LHFPL6: variants seen among roughly 807,000 people sequenced by gnomAD.
LHFPL6 encodes LHFPL tetraspan subfamily member 6, also known as LHFPL tetraspan subfamily member 6 protein.
In LHFPL6, 9 loss-of-function variants were observed where a neutral mutation model predicts 20.6. The ratio of observed to expected loss-of-function variants is 0.44; its 90% CI spans 0.26 to 0.76. The LOEUF is 0.76. Ranked by LOEUF, LHFPL6 falls within the 30% of genes least tolerant of loss-of-function variation. The pLI is 0.20. For missense variants in LHFPL6, 218 were observed against 253.5 expected, an observed-to-expected ratio of 0.86 and a Z score of 0.95; for synonymous variants, 105 against 98.7, an observed-to-expected ratio of 1.06 and a Z score of -0.38.
In LHFPL6 at chr13:39,562,615, C is replaced by CACATACATATATACACATATAT. The variant is rs1566142244; in HGVS notation, c.385+38216_385+38217insATATATGTGTATATATGTATGT. Among the ~76,000 whole-genome samples the CACATACATATATACACATATAT allele has an allele frequency of 4.1e-3, 186 of 44,902 alleles. 3 individuals carry two copies. The highest frequency in any genetic ancestry group is 7.4e-3 in the Non-Finnish European group (132 of 17,844). 29.5% of individuals were successfully genotyped at this position (44,902 alleles called of 152,430 possible). ...ACATATATACACATATACATATATACACATATATACACACATATATATACA... is the reference window on the plus strand; with the variant it reads ...ACATATATACACATATACATATATACACATACATATATACACATATATACATATATACACACATATATATACA... On this transcript the variant is annotated intron_variant, in intron 2 of 3. Transcript: ENST00000379589.
intron 2 of LHFPL6, among the ~76,000 whole-genome samples, chr13:39,428,373 C>A (rs984709590): frequency 6.6e-6 from 1 of 152,144 alleles, no homozygotes; most frequent in Non-Finnish European, 1.5e-5. Context: ...TATTTTACTA[C>A]AAATTGATTT....
chr13:39,388,910 C>A (rs935450550), intron 2 of LHFPL6, among the ~76,000 whole-genome samples: 39 of 152,260 alleles, frequency 2.6e-4, no homozygotes, highest in African/African-American at 9.4e-4. Flanking sequence ...GCTTGTAGAG[C>A]GATTTACACT....
intron 2 of LHFPL6, among the ~76,000 whole-genome samples, chr13:39,535,299 C>A (rs1870582650): frequency 6.6e-6 from 1 of 152,296 alleles, no homozygotes; most frequent in African/African-American, 2.4e-5. Flanking sequence ...CTAACATAAC[C>A]CACATCATCA....
intron 2 of LHFPL6, among the ~76,000 whole-genome samples, chr13:39,436,790 T>C (rs1164241124): frequency 6.6e-6 from 1 of 152,242 alleles, no homozygotes; most frequent in African/African-American, 2.4e-5. Context: ...TGAGTTAGTG[T>C]GGCTTTTCAA....
At chr13:39,483,328 C>G (rs142431862) in intron 2 of LHFPL6, among the ~76,000 whole-genome samples, 47 of 152,154 alleles carry the variant, frequency 3.1e-4, no homozygotes, top group African/African-American at 1.1e-3. Context: ...GTGCTTGGAG[C>G]AAGGACTTGA....
intron 2 of LHFPL6, among the ~76,000 whole-genome samples, chr13:39,548,950 C>T (rs1871064745): frequency 6.6e-6 from 1 of 152,088 alleles, no homozygotes; most frequent in Admixed American, 6.5e-5. Context: ...CTTTGAAAGA[C>T]ACTGTTCAGA....
intron 2 of LHFPL6, among the ~76,000 whole-genome samples, chr13:39,520,385 T>G (rs1870069116): frequency 6.6e-6 from 1 of 151,654 alleles, no homozygotes; most frequent in African/African-American, 2.4e-5. Context: ...CAAACAAGAG[T>G]GTGTCCTAGG....
chr13:39,464,549 A>G (rs929317896), intron 2 of LHFPL6, among the ~76,000 whole-genome samples: 8 of 152,238 alleles, frequency 5.3e-5, no homozygotes, highest in Non-Finnish European at 1.2e-4. Context: ...CCAGTCCACT[A>G]CAAAAAATGT....
Position 39,478,801 on chromosome 13 carries a change from C to T in LHFPL6, c.386-100275G>A, listed in dbSNP as rs575105113. Among the ~76,000 whole-genome samples, 9 of 152,194 alleles carry T rather than the reference C, an allele frequency of 5.9e-5. No individual in the cohort carries two copies. In the South Asian group the frequency reaches 1.7e-3, roughly 28 times the overall value. ...GCCTGGGATTTACATGATCAACTCC[C>T]TTGGTTCTCAGGCCTTAGGAATTGG... On this transcript the variant is annotated intron_variant, in intron 2 of 3. Transcript: ENST00000379589.
intron 3 of LHFPL6, among the ~76,000 whole-genome samples, chr13:39,345,847 C>T (rs1869386863): frequency 6.6e-6 from 1 of 152,168 alleles, no homozygotes; most frequent in Admixed American, 6.5e-5. Flanking sequence ...TTCTGGAGGG[C>T]AGGTGCAAAG....
chr13:39,396,972 T>C (rs1001857369), intron 2 of LHFPL6, among the ~76,000 whole-genome samples: 1 of 152,114 alleles, frequency 6.6e-6, no homozygotes, highest in African/African-American at 2.4e-5. Flanking sequence ...AGCATGGCCC[T>C]GCCAACAACT....
intron 2 of LHFPL6, among the ~76,000 whole-genome samples, chr13:39,552,745 C>A (rs1162739384): frequency 1.3e-5 from 2 of 152,234 alleles, no homozygotes; most frequent in African/African-American, 4.8e-5. Flanking sequence ...GAAAAAACAG[C>A]CCATGAAGCT....
intron 2 of LHFPL6, among the ~76,000 whole-genome samples, chr13:39,408,714 G>A (rs1312668328): frequency 6.6e-6 from 1 of 152,190 alleles, no homozygotes; most frequent in African/African-American, 2.4e-5. Context: ...GAAAACAGCC[G>A]ATGCCTTCTG....
In LHFPL6 at chr13:39,386,990, C is replaced by T. The variant is rs562467157; in HGVS notation, c.386-8464G>A. ...TTGCCTTTCCTGGTCATCCCAGCAG[C>T]GAGCTATAGGTTTTGCCTCTCCTGT... On this transcript the variant is annotated intron_variant, in intron 2 of 3. Coordinates refer to ENST00000379589, the MANE Select transcript of LHFPL6 (RefSeq NM_005780.3). Among the ~76,000 whole-genome samples, 6 of 152,270 alleles carry T rather than the reference C, an allele frequency of 3.9e-5. No homozygotes were observed. In the East Asian group the frequency reaches 7.7e-4, roughly 20 times the overall value.
intron 2 of LHFPL6, among the ~76,000 whole-genome samples, chr13:39,465,061 T>C (rs1452917315): frequency 6.6e-6 from 1 of 152,158 alleles, no homozygotes; most frequent in Non-Finnish European, 1.5e-5. Flanking sequence ...ATTGATTAAC[T>C]AACTTGAGCA....
intron 2 of LHFPL6, among the ~76,000 whole-genome samples, chr13:39,431,576 T>C (rs1271775597): frequency 6.6e-6 from 1 of 152,118 alleles, no homozygotes; most frequent in Admixed American, 6.5e-5. Flanking sequence ...ATCTCAAACT[T>C]AACATATCTG....
chr13:39,346,369 A>T (rs890739690), intron 3 of LHFPL6, among the ~76,000 whole-genome samples: 29 of 152,338 alleles, frequency 1.9e-4, no homozygotes, highest in African/African-American at 5.0e-4. Context: ...ATGAATAATT[A>T]AAAAATAAGC....
At chr13:39,383,161 A>G (rs1405066904) in intron 2 of LHFPL6, among the ~76,000 whole-genome samples, 1 of 152,182 alleles carries the variant, frequency 6.6e-6, no homozygotes, top group Non-Finnish European at 1.5e-5. Flanking sequence ...AGCTCAGTGA[A>G]ATCCAGTGAC....
At chr13:39,410,780 C>T (rs1348887978) in intron 2 of LHFPL6, among the ~76,000 whole-genome samples, 3 of 152,158 alleles carry the variant, frequency 2.0e-5, no homozygotes, top group Non-Finnish European at 2.9e-5. Context: ...TTTCAAAAGT[C>T]AAGTCTTTGA....
Sources: gnomAD v4.1 joint callset for allele counts (sites outside exome capture counted in the v4.1 genomes callset) on GRCh38, gnomAD v4.1.1 for gene constraint, MANE v1.5 for transcripts, NCBI Gene and HGNC (gene_info 2026-07-23, HGNC 2026-07-21) for gene names.